Variants in DOCK5 observed in about 807,000 individuals in gnomAD.
DOCK5 encodes the protein dedicator of cytokinesis 5.
In DOCK5, 142 loss-of-function variants were observed where a neutral mutation model predicts 251.8. The observed-to-expected ratio is 0.56, with a 90% confidence interval of 0.49 to 0.65. DOCK5 has a LOEUF of 0.65. DOCK5 is among the 30% of genes least tolerant of loss of function. DOCK5 has a pLI of 0.00. For synonymous variants in DOCK5, 842 were observed against 835.5 expected (o/e 1.01, Z -0.13); for missense variants, 2,111 against 2,312.3 (o/e 0.91, Z 1.79).
At position 25,374,600 on chromosome 8, in the gene DOCK5, T is replaced by A. The variant is rs1800932124; in HGVS notation, c.3762T>A (p.Cys1254Ter). The change falls in exon 37 of 52, where the codon TGT (cysteine) becomes TGA (stop). Residue 1254 changes from cysteine to a stop codon, truncating the protein, a stop_gained. Coordinates refer to ENST00000276440, the MANE Select transcript of DOCK5 (RefSeq NM_024940.8). LOFTEE classifies it high-confidence loss of function. ...AGCTTCGAGATTTGCACCGAGACTG[T>A]GAGAACTACACAGAAGCTGCCTACA... ...LYKLRDLHRD[C>*]ENYTEAAYTL... 6.2e-7 allele frequency: 1 copy of A among 1,612,526 alleles called. No individual in the cohort carries two copies. The highest frequency in any genetic ancestry group is 8.5e-7 in the Non-Finnish European group (1 of 1,179,556).
At chr8:25,263,215 G>A (rs993567439) in intron 2 of DOCK5, among the ~76,000 whole-genome samples, 2 of 84,076 alleles carry the variant, frequency 2.4e-5, no homozygotes, top group Non-Finnish European at 4.6e-5. Context: ...GGGACCGTCT[G>A]TCCTCCTCCC....
chr8:25,388,587 GC>G (rs894171419), intron 40 of DOCK5, among the ~76,000 whole-genome samples: 1 of 152,202 alleles, frequency 6.6e-6, no homozygotes, highest in African/African-American at 2.4e-5. Flanking sequence ...CTGTTTCTGT[GC>G]CAGAAGACAC....
chr8:25,316,297 T>C (rs969712145), intron 13 of DOCK5, among the ~76,000 whole-genome samples: 5 of 152,116 alleles, frequency 3.3e-5, no homozygotes, highest in African/African-American at 1.2e-4. Context: ...CTGGGCAATG[T>C]AGTGAGACCC....
intron 25 of DOCK5, 112 bp from the exon 26 acceptor site, chr8:25,345,363 G>A: frequency 6.8e-7 from 1 of 1,479,418 alleles, no homozygotes; most frequent in Non-Finnish European, 9.1e-7. Flanking sequence ...CTGCAGGGCT[G>A]ATTGCAGAGC....
At chr8:25,280,921 T>A (rs904329392) in intron 5 of DOCK5, among the ~76,000 whole-genome samples, 1 of 151,946 alleles carries the variant, frequency 6.6e-6, no homozygotes, top group African/African-American at 2.4e-5. Context: ...ATGTTCTTTC[T>A]GGAAATTGAT....
intron 14 of DOCK5, among the ~76,000 whole-genome samples, chr8:25,318,618 A>C: frequency 7.5e-6 from 1 of 132,710 alleles, no homozygotes; most frequent in South Asian, 2.4e-4. Flanking sequence ...TTTTTTAATT[A>C]AGACAAGATC....
At chr8:25,410,615 C>A (rs1801604855) in intron 51 of DOCK5, among the ~76,000 whole-genome samples, 1 of 151,910 alleles carries the variant, frequency 6.6e-6, no homozygotes, top group African/African-American at 2.4e-5. Flanking sequence ...GCATGTGCCA[C>A]CATGCCCAGC....
intron 16 of DOCK5, among the ~76,000 whole-genome samples, chr8:25,321,950 A>G (rs1805436110): frequency 6.6e-6 from 1 of 152,194 alleles, no homozygotes; most frequent in Admixed American, 6.5e-5. Context: ...TGTCTCCCCA[A>G]ATTATCATTT....
chr8:25,289,488 T>A (rs907695804), intron 5 of DOCK5, among the ~76,000 whole-genome samples: 2 of 151,948 alleles, frequency 1.3e-5, no homozygotes, highest in African/African-American at 4.8e-5. Flanking sequence ...AGAAGAATGT[T>A]TTCTTATAAT....
rs1259422148 is a variant in DOCK5 at position 25,399,957 on chromosome 8, A to G, written c.4751A>G (p.Glu1584Gly). ...KYLQEHPEDQ[E>G]KVELLKRLIA... Reference sequence around the variant, plus strand: ...TTGCAGGAGCATCCTGAAGACCAGGAGAAGGTTGAGCTGCTAAAGCGACTA... The same window carrying G: ...TTGCAGGAGCATCCTGAAGACCAGGGGAAGGTTGAGCTGCTAAAGCGACTA... The change falls in exon 46 of 52, where the codon GAG (glutamate) becomes GGG (glycine). Residue 1584 changes from glutamate to glycine, a missense_variant. Physicochemically the swap from Glu to Gly is moderately conservative, Grantham distance 98. This residue lies in a region of DOCK5 where 1,717 missense variants were observed against 1,892.4 expected (regional missense o/e 0.91). Transcript: ENST00000276440. 6.2e-7 allele frequency: 1 copy of G among 1,613,700 alleles called. No individual in the cohort carries two copies. Among genetic ancestry groups the G allele is most frequent in the South Asian group, 1.1e-5 (1 of 90,998 alleles).
chr8:25,324,100 GCCCTCCAGC>G, intron 17 of DOCK5, 149 bp downstream of exon 17: 1 of 893,088 alleles, frequency 1.1e-6, no homozygotes, highest in Non-Finnish European at 1.7e-6. Flanking sequence ...AGGGCTCTGG[GCCCTCCAGC>G]TTTGTGGTTT....
At chr8:25,187,797 C>A (rs114813694) in intron 1 of DOCK5, among the ~76,000 whole-genome samples, 3 of 152,136 alleles carry the variant, frequency 2.0e-5, no homozygotes, top group Non-Finnish European at 4.4e-5. Context: ...TCCTTTGGGA[C>A]TTTGCTCCCA....
At chr8:25,389,271 T>C (rs998861900) in intron 41 of DOCK5, 39 bp downstream of exon 41, 7 of 1,604,484 alleles carry the variant, frequency 4.4e-6, no homozygotes, top group Non-Finnish European at 6.0e-6. Context: ...GAGGCTCTTA[T>C]GGCTGTGCAC....
At chr8:25,325,622 G>T in intron 18 of DOCK5, 75 bp downstream of exon 18, 1 of 1,549,944 alleles carries the variant, frequency 6.5e-7, no homozygotes, top group African/African-American at 1.4e-5. Context: ...AGGCTCACAG[G>T]GCTGGACTAT....
chr8:25,285,889 G>C (rs1336967071), intron 5 of DOCK5, among the ~76,000 whole-genome samples: 1 of 152,168 alleles, frequency 6.6e-6, no homozygotes, highest in Non-Finnish European at 1.5e-5. Context: ...GATGTGGCGT[G>C]GGACTGACTG....
At chr8:25,376,031 G>A (rs1303764424) in intron 37 of DOCK5, 2 of 923,642 alleles carry the variant, frequency 2.2e-6, no homozygotes, top group African/African-American at 1.8e-5. Flanking sequence ...CTGCAAGGCG[G>A]AGGTTTGCAG....
intron 13 of DOCK5, among the ~76,000 whole-genome samples, chr8:25,315,051 A>G (rs2117190345): frequency 6.9e-6 from 1 of 145,224 alleles, no homozygotes; most frequent in East Asian, 2.0e-4. Flanking sequence ...TGAATGTTCT[A>G]TTCTGTAAGC....
chr8:25,287,727 G>A lies in DOCK5; in HGVS notation c.322-4297G>A, dbSNP rs75772339. 3.7e-3 allele frequency among the ~76,000 whole-genome samples: 564 copies of A among 152,134 alleles called. 2 individuals carry two copies. Among genetic ancestry groups the A allele is most frequent in the African/African-American group, 0.013 (535 of 41,502 alleles). On this transcript the variant is annotated intron_variant, in intron 5 of 51. Coordinates refer to ENST00000276440, the MANE Select transcript of DOCK5 (RefSeq NM_024940.8). The stretch of plus-strand genomic sequence containing the variant: ...AATTCTTGGATGATGTGACAGTGGC[G>A]GATAATGCAGAAAAGGCTGAAGTGA...
chr8:25,276,711 C>T (rs548675479), intron 4 of DOCK5, among the ~76,000 whole-genome samples: 2 of 152,084 alleles, frequency 1.3e-5, no homozygotes, highest in East Asian at 1.9e-4. Context: ...TTTGTATGAA[C>T]TTGATTTCAC....
Sources: allele counts gnomAD v4.1 joint callset (sites outside exome capture counted in the v4.1 genomes callset), GRCh38; gene constraint gnomAD v4.1.1; regional missense constraint gnomAD v4.1.1; transcripts MANE v1.5; gene names NCBI Gene and HGNC (gene_info 2026-07-23, HGNC 2026-07-21).